PCDH9: variants seen among roughly 807,000 people sequenced by gnomAD.
PCDH9 encodes protocadherin 9, also known as protocadherin-9.
PCDH9 carries 24 observed loss-of-function variants against 70.6 expected under a neutral mutation model. The ratio of observed to expected loss-of-function variants is 0.34; its 90% CI spans 0.25 to 0.48. PCDH9 has a LOEUF of 0.48. Ranked by LOEUF, PCDH9 falls within the 20% of genes least tolerant of loss-of-function variation. PCDH9 has a pLI of 0.99. For missense variants in PCDH9, 1,281 were observed against 1,503.6 expected (o/e 0.85, Z 2.45); for synonymous variants, 562 against 558.5 (o/e 1.01, Z -0.09).
chr13:66,421,863 C>T lies in PCDH9; in HGVS notation c.3341-116835G>A, dbSNP rs145011400. ...GCCCCAATTAAAAGGCACAGACTGGCAAATTGGATAAAGAGTCAAGACCCA... is the reference window on the plus strand; with the variant it reads ...GCCCCAATTAAAAGGCACAGACTGGTAAATTGGATAAAGAGTCAAGACCCA... On this transcript the variant is annotated intron_variant, in intron 4 of 4. Transcript: ENST00000377865. Among the ~76,000 whole-genome samples, 121 of 152,212 alleles carry T rather than the reference C, an allele frequency of 7.9e-4. 1 individual carries two copies. In the East Asian group the frequency reaches 0.022, roughly 28 times the overall value.
At chr13:66,648,107 A>G (rs1022626657) in intron 3 of PCDH9, among the ~76,000 whole-genome samples, 2 of 152,364 alleles carry the variant, frequency 1.3e-5, no homozygotes, top group African/African-American at 4.8e-5. Context: ...ACATCCCTGA[A>G]TCTGCCTGGA....
chr13:67,113,370 A>G (rs1241183368), intron 2 of PCDH9, among the ~76,000 whole-genome samples: 1 of 152,200 alleles, frequency 6.6e-6, no homozygotes, highest in Non-Finnish European at 1.5e-5. Context: ...CACATTCACA[A>G]TGGAGGTGAT....
At chr13:66,819,384 T>C (rs2080669103) in intron 3 of PCDH9, among the ~76,000 whole-genome samples, 1 of 151,870 alleles carries the variant, frequency 6.6e-6, no homozygotes, top group Non-Finnish European at 1.5e-5. Flanking sequence ...CTAAAATGAA[T>C]AACCTTGGAA....
chr13:67,095,538 T>G (rs545801759), intron 2 of PCDH9, among the ~76,000 whole-genome samples: 12 of 152,146 alleles, frequency 7.9e-5, no homozygotes, highest in Non-Finnish European at 1.6e-4. Flanking sequence ...TTGACAGGTA[T>G]GAAAATATCT....
At chr13:66,567,124 T>C (rs967150220) in intron 4 of PCDH9, among the ~76,000 whole-genome samples, 2 of 152,176 alleles carry the variant, frequency 1.3e-5, no homozygotes, top group Non-Finnish European at 2.9e-5. Flanking sequence ...AAAAGTCTTA[T>C]TGAATTCAGT....
At chr13:67,221,013 A>T (rs777002889) in intron 2 of PCDH9, 1 of 152,124 alleles carries the variant, frequency 6.6e-6, no homozygotes, top group African/African-American at 2.4e-5. Context: ...CTACCTCATA[A>T]GTATGAAAAC....
intron 3 of PCDH9, among the ~76,000 whole-genome samples, chr13:66,654,803 A>T (rs1052336596): frequency 3.3e-5 from 5 of 152,070 alleles, no homozygotes; most frequent in African/African-American, 4.8e-5. Flanking sequence ...TGACCTCTTG[A>T]GTTCAAGCAA....
intron 4 of PCDH9, among the ~76,000 whole-genome samples, chr13:66,583,468 T>C (rs28488881): frequency 6.6e-6 from 1 of 151,866 alleles, no homozygotes; most frequent in African/African-American, 2.4e-5. Context: ...AAAAATTGGC[T>C]GGGCTTGGGG....
chr13:66,403,723 G>C (rs754082599), intron 4 of PCDH9, among the ~76,000 whole-genome samples: 1 of 152,024 alleles, frequency 6.6e-6, no homozygotes, highest in Non-Finnish European at 1.5e-5. Flanking sequence ...GAGCAATAAA[G>C]CCATCACCCA....
intron 2 of PCDH9, among the ~76,000 whole-genome samples, chr13:67,095,957 A>C (rs1489622233): frequency 6.6e-6 from 1 of 152,194 alleles, no homozygotes; most frequent in Non-Finnish European, 1.5e-5. Context: ...AGCTGTAGTT[A>C]CTCAAGACTA....
chr13:66,653,859 T>C (rs2077887364), intron 3 of PCDH9, among the ~76,000 whole-genome samples: 1 of 151,554 alleles, frequency 6.6e-6, no homozygotes, highest in African/African-American at 2.4e-5. Context: ...TCCCAGCTAC[T>C]TGGCAGGCTG....
intron 3 of PCDH9, among the ~76,000 whole-genome samples, chr13:66,800,269 G>C (rs2080305530): frequency 6.6e-6 from 1 of 151,896 alleles, no homozygotes; most frequent in Admixed American, 6.6e-5. Flanking sequence ...TCTTTCTGAA[G>C]TACTTTCTCT....
At chr13:66,374,702 C>T (rs1956718841) in intron 4 of PCDH9, among the ~76,000 whole-genome samples, 1 of 152,008 alleles carries the variant, frequency 6.6e-6, no homozygotes, top group South Asian at 2.1e-4. Flanking sequence ...ACTTCCACCT[C>T]CCAAAATGCA....
At chr13:66,333,753 C>G (rs1448451844) in intron 4 of PCDH9, among the ~76,000 whole-genome samples, 2 of 152,038 alleles carry the variant, frequency 1.3e-5, no homozygotes, top group Non-Finnish European at 2.9e-5. Flanking sequence ...GTATATATTA[C>G]TAACAGAATG....
At chr13:66,425,237 A>G (rs770006728) in intron 4 of PCDH9, among the ~76,000 whole-genome samples, 2 of 151,788 alleles carry the variant, frequency 1.3e-5, no homozygotes, top group African/African-American at 2.4e-5. Context: ...TTTGTGAAAG[A>G]CATTACAGGT....
chr13:66,599,603 G>A (rs908810376), intron 4 of PCDH9, among the ~76,000 whole-genome samples: 8 of 150,936 alleles, frequency 5.3e-5, no homozygotes, highest in Non-Finnish European at 4.4e-5. Context: ...CTAGAGTGCA[G>A]TGGCACAATC....
At chr13:66,305,828 A>G (rs1297835282) in intron 4 of PCDH9, among the ~76,000 whole-genome samples, 1 of 152,122 alleles carries the variant, frequency 6.6e-6, no homozygotes, top group Non-Finnish European at 1.5e-5. Flanking sequence ...GGGGGAAGAA[A>G]GTGATCATAG....
intron 4 of PCDH9, among the ~76,000 whole-genome samples, chr13:66,310,574 C>A (rs560542008): frequency 1.2e-4 from 19 of 152,062 alleles, no homozygotes; most frequent in Non-Finnish European, 2.2e-4. Flanking sequence ...ATTTGAAACC[C>A]TTTAATACCA....
chr13:66,856,681 G>A (rs368567935), intron 3 of PCDH9, among the ~76,000 whole-genome samples: 38 of 151,926 alleles, frequency 2.5e-4, no homozygotes, highest in African/African-American at 8.2e-4. Flanking sequence ...ATTAGTAGGC[G>A]ATGTAAGCCT....
Sources: gnomAD v4.1 joint callset for allele counts (sites outside exome capture counted in the v4.1 genomes callset) on GRCh38, gnomAD v4.1.1 for gene constraint, MANE v1.5 for transcripts, NCBI Gene and HGNC (gene_info 2026-07-23, HGNC 2026-07-21) for gene names.